Variants in AKR1C4 observed in about 807,000 individuals in gnomAD.
The protein encoded by AKR1C4 is 3-alpha-HSD1.
In AKR1C4, 44 loss-of-function variants were observed where a neutral mutation model predicts 41.0. That is an observed-to-expected ratio of 1.07 (90% confidence interval 0.84 to 1.38). The LOEUF (loss-of-function observed/expected upper bound fraction) is 1.38, where lower values mean the gene tolerates loss of function less well. AKR1C4 is among the 40% of genes most tolerant of loss of function. AKR1C4 has a pLI of 0.00. For synonymous variants in AKR1C4, 165 were observed against 137.7 expected (o/e 1.20, Z -1.39); for missense variants, 438 against 387.9 (o/e 1.13, Z -1.09).
chr10:5,211,223 AT>A (rs1832571258), intron 5 of AKR1C4, among the ~76,000 whole-genome samples: 1 of 152,198 alleles, frequency 6.6e-6, no homozygotes, highest in South Asian at 2.1e-4. Context: ...GGTGATTAAC[AT>A]TTGGCTCCTT....
chr10:5,218,107 A>G (rs1167469450), intron 8 of AKR1C4, among the ~76,000 whole-genome samples: 1 of 152,246 alleles, frequency 6.6e-6, no homozygotes, highest in Non-Finnish European at 1.5e-5. Flanking sequence ...CAATTATTCA[A>G]TATTAATGAA....
chr10:5,197,092 T>C, intron 1 of AKR1C4, 141 bp downstream of exon 1: 1 of 776,596 alleles, frequency 1.3e-6, no homozygotes, highest in Non-Finnish European at 2.2e-6. Flanking sequence ...AGCTATTCTA[T>C]GTTCAAAGAG....
chr10:5,200,825 G>A (rs1310006955), intron 2 of AKR1C4, among the ~76,000 whole-genome samples: 4 of 152,136 alleles, frequency 2.6e-5, no homozygotes, highest in Non-Finnish European at 4.4e-5. Context: ...CATCCTCGTA[G>A]CTTAGTTCCC....
intron 7 of AKR1C4, among the ~76,000 whole-genome samples, chr10:5,215,775 A>G (rs558087426): frequency 1.2e-4 from 18 of 152,186 alleles, no homozygotes; most frequent in Non-Finnish European, 1.8e-4. Flanking sequence ...AGTTGGCCAT[A>G]TTTTTAATCA....
At position 5,197,931 on chromosome 10, in the gene AKR1C4, TCAGGGGAAGGTAGTGCAA is replaced by T. The variant is rs570230694; in HGVS notation, c.84+982_84+999del. ...AGCAAACAGAGGATCAGGGTTGGCA[TCAGGGGAAGGTAGTGCAA>T]CCTGGCATCTAGTTCCTTTTAATTT... On this transcript the variant is annotated intron_variant, in intron 1 of 8. Transcript: ENST00000263126. Among the ~76,000 whole-genome samples the T allele has an allele frequency of 6.8e-3, 1,031 of 152,322 alleles. 17 individuals are homozygous for T. Among genetic ancestry groups the T allele is most frequent in the African/African-American group, 0.024 (983 of 41,574 alleles).
At chr10:5,199,708 G>A (rs1159050707) in intron 1 of AKR1C4, among the ~76,000 whole-genome samples, 1 of 152,028 alleles carries the variant, frequency 6.6e-6, no homozygotes, top group Non-Finnish European at 1.5e-5. Context: ...GACTCTAGGG[G>A]AAAACGTTCC....
In AKR1C4 at chr10:5,213,130, A is replaced by G; in HGVS notation, c.817A>G (p.Asn273Asp). ...RGVVVLAKSYNEQRIRENIQV... is the reference protein window; with the variant it reads ...RGVVVLAKSYDEQRIRENIQV... Reference sequence around the variant, plus strand: ...GGTTGTGGTCCTGGCCAAGAGCTACAATGAGCAGCGGATCAGAGAGAACAT... The same window carrying G: ...GGTTGTGGTCCTGGCCAAGAGCTACGATGAGCAGCGGATCAGAGAGAACAT... Residue 273 changes from asparagine to aspartate, a missense_variant, in exon 7 of 9, where the codon AAT (asparagine) becomes GAT (aspartate). Coordinates refer to ENST00000263126, the MANE Select transcript of AKR1C4 (RefSeq NM_001818.5). 4.3e-6 allele frequency: 7 copies of G among 1,614,048 alleles called. No homozygotes were observed. Among genetic ancestry groups the G allele is most frequent in the Non-Finnish European group, 5.1e-6 (6 of 1,180,028 alleles).
At chr10:5,202,327 G>C in intron 2 of AKR1C4, 1 of 291,448 alleles carries the variant, frequency 3.4e-6, no homozygotes, top group Non-Finnish European at 7.0e-6. Flanking sequence ...TTGGTGAATA[G>C]CAGTGCTACT....
chr10:5,201,186 T>C (rs1554796901), intron 2 of AKR1C4, among the ~76,000 whole-genome samples: 1 of 152,204 alleles, frequency 6.6e-6, no homozygotes, highest in Non-Finnish European at 1.5e-5. Context: ...ATCTCCATAC[T>C]GTTTTCCATA....
intron 1 of AKR1C4, among the ~76,000 whole-genome samples, 179 bp from the exon 2 acceptor site, chr10:5,200,001 CG>C (rs1299903511): frequency 6.6e-6 from 1 of 152,206 alleles, no homozygotes; most frequent in Non-Finnish European, 1.5e-5. Flanking sequence ...ACACTGTCAA[CG>C]GGTCATAGTC....
intron 1 of AKR1C4, among the ~76,000 whole-genome samples, chr10:5,197,957 T>C (rs1381108209): frequency 6.6e-6 from 1 of 152,224 alleles, no homozygotes; most frequent in Non-Finnish European, 1.5e-5. Flanking sequence ...CAACCTGGCA[T>C]CTAGTTCCTT....
chr10:5,206,891 T>TA (rs1832498081), intron 5 of AKR1C4, among the ~76,000 whole-genome samples: 1 of 152,194 alleles, frequency 6.6e-6, no homozygotes, highest in African/African-American at 2.4e-5. Context: ...TTTTCATAGT[T>TA]CTTGAGCAGG....
At position 5,218,884 on chromosome 10, in the gene AKR1C4, A is replaced by G. The variant is rs1447410799; in HGVS notation, c.*124A>G. 3 of 783,704 alleles carry G rather than the reference A, an allele frequency of 3.8e-6. No individual in the cohort carries two copies. The highest frequency in any genetic ancestry group is 6.2e-6 in the Non-Finnish European group (3 of 480,558). 48.5% of individuals were successfully genotyped at this position (783,704 alleles called of 1,614,324 possible). A position where few individuals can be genotyped will look rare whatever the true frequency, so the allele number is the denominator to read the frequency against. ...TAAATCCCTCCCCTCCTGCTTGGCA[A>G]CTTCAGCTAGCTAGATATATCCATG... On this transcript the variant is annotated 3_prime_UTR_variant, in exon 9 of 9. Transcript: ENST00000263126.
chr10:5,215,684 G>T (rs75406471), intron 7 of AKR1C4, among the ~76,000 whole-genome samples: 1 of 152,092 alleles, frequency 6.6e-6, no homozygotes, highest in African/African-American at 2.4e-5. Flanking sequence ...AAGTTCTTTC[G>T]TAAGGTATAA....
intron 1 of AKR1C4, among the ~76,000 whole-genome samples, chr10:5,198,459 A>C (rs1348151740): frequency 1.3e-5 from 2 of 152,192 alleles, no homozygotes; most frequent in East Asian, 3.8e-4. Flanking sequence ...CTTTCTTTAC[A>C]AGACCGGAAG....
chr10:5,217,520 G>A (rs956637573), intron 8 of AKR1C4, among the ~76,000 whole-genome samples: 15 of 152,228 alleles, frequency 9.9e-5, no homozygotes, highest in Non-Finnish European at 1.5e-4. Flanking sequence ...ATCATTCTGG[G>A]AGGCCAAGGC....
At chr10:5,213,416 A>AC (rs1362312579) in intron 7 of AKR1C4, among the ~76,000 whole-genome samples, 3 of 152,306 alleles carry the variant, frequency 2.0e-5, no homozygotes, top group African/African-American at 2.4e-5. Context: ...TCTGCTAGGG[A>AC]CATCACCTTT....
At chr10:5,212,225 G>A (rs7897431) in intron 5 of AKR1C4, among the ~76,000 whole-genome samples, 17,165 of 152,184 alleles carry the variant, frequency 0.11, 1,180 homozygotes, top group Admixed American at 0.17. Context: ...TCAAATCTAT[G>A]CAAATGTTAC....
At chr10:5,209,598 G>A (rs1313153973) in intron 5 of AKR1C4, among the ~76,000 whole-genome samples, 4 of 152,166 alleles carry the variant, frequency 2.6e-5, no homozygotes, top group African/African-American at 9.7e-5. Flanking sequence ...TATGGCTGAG[G>A]AGGTCTCACA....
Sources: allele counts gnomAD v4.1 joint callset (sites outside exome capture counted in the v4.1 genomes callset), GRCh38; gene constraint gnomAD v4.1.1; transcripts MANE v1.5; gene names NCBI Gene and HGNC (gene_info 2026-07-23, HGNC 2026-07-21).